Variants in RORB observed in about 807,000 individuals in gnomAD.
The protein encoded by RORB is nuclear receptor ROR-beta.
Under a neutral mutation model 59.1 loss-of-function variants are expected in RORB, and 6 were observed. That is an observed-to-expected ratio of 0.10 (90% CI 0.06 to 0.20). The LOEUF is 0.20. RORB is among the 10% of genes least tolerant of loss of function. The pLI is 1.00. For missense variants in RORB, 320 were observed against 560.5 expected (o/e 0.57, Z 4.33); for synonymous variants, 215 against 204.5 (o/e 1.05, Z -0.44).
chr9:74,597,694 C>T (rs1293724468), intron 1 of RORB, among the ~76,000 whole-genome samples: 1 of 152,118 alleles, frequency 6.6e-6, no homozygotes, highest in African/African-American at 2.4e-5. Flanking sequence ...CATGGTGGCT[C>T]ATGCCTGTAA....
intron 1 of RORB, among the ~76,000 whole-genome samples, chr9:74,566,679 C>T (rs1173267472): frequency 6.6e-6 from 1 of 152,146 alleles, no homozygotes. Flanking sequence ...CACCTGTAGT[C>T]CCAGGTACTC....
chr9:74,513,506 A>C (rs1018778452), intron 1 of RORB, among the ~76,000 whole-genome samples: 1 of 152,088 alleles, frequency 6.6e-6, no homozygotes, highest in Non-Finnish European at 1.5e-5. Context: ...AGTGATAATG[A>C]TAATAATTCA....
chr9:74,623,942 T>C (rs1341502044), intron 1 of RORB, among the ~76,000 whole-genome samples: 1 of 152,216 alleles, frequency 6.6e-6, no homozygotes, highest in African/African-American at 2.4e-5. Flanking sequence ...ATATTTAACT[T>C]ATCAGTATTT....
chr9:74,546,611 C>G (rs946366927), intron 1 of RORB, among the ~76,000 whole-genome samples: 12 of 152,238 alleles, frequency 7.9e-5, no homozygotes, highest in African/African-American at 2.2e-4. Context: ...GAAATGTTCT[C>G]AGAGAGAAGT....
intron 1 of RORB, among the ~76,000 whole-genome samples, chr9:74,533,529 G>A (rs1826277503): frequency 6.6e-6 from 1 of 152,060 alleles, no homozygotes. Context: ...TTCTCCAAGA[G>A]TTAACCAGGT....
Position 74,658,496 on chromosome 9 carries a change from A to G in RORB, c.638-2121A>G, listed in dbSNP as rs865878350. ...GCCAACAGTTCCAGGCAGATATCAT[A>G]AAAGAACAGATAAAGTTTTTCACAA... On this transcript the variant is annotated intron_variant, in intron 4 of 9. Coordinates refer to ENST00000376896, the MANE Select transcript of RORB (RefSeq NM_006914.4). 5.4e-5 allele frequency among the ~76,000 whole-genome samples: 8 copies of G among 147,880 alleles called. No homozygotes were observed. The South Asian group carries it at 1.7e-3, about 31-fold the overall frequency.
At chr9:74,640,690 G>GC (rs1032406105) in intron 3 of RORB, among the ~76,000 whole-genome samples, 7 of 152,078 alleles carry the variant, frequency 4.6e-5, no homozygotes, top group African/African-American at 1.7e-4. Flanking sequence ...AGGAAAACAT[G>GC]CCCCAATACC....
At chr9:74,532,804 GTA>G (rs1491192432) in intron 1 of RORB, among the ~76,000 whole-genome samples, 1 of 143,914 alleles carries the variant, frequency 6.9e-6, no homozygotes, top group African/African-American at 2.7e-5. Context: ...ACATAGATAC[GTA>G]TATATATACA....
intron 1 of RORB, among the ~76,000 whole-genome samples, chr9:74,545,442 A>G (rs1826473297): frequency 6.6e-6 from 1 of 152,182 alleles, no homozygotes; most frequent in Non-Finnish European, 1.5e-5. Flanking sequence ...TATATCTAAC[A>G]TTATCATTGC....
At chr9:74,672,288 T>A (rs1239183529) in intron 9 of RORB, among the ~76,000 whole-genome samples, 3 of 152,128 alleles carry the variant, frequency 2.0e-5, no homozygotes, top group African/African-American at 7.2e-5. Context: ...CAGATTTTTA[T>A]TCAAAAAAAG....
chr9:74,566,289 T>C (rs1822467399), intron 1 of RORB, among the ~76,000 whole-genome samples: 1 of 152,124 alleles, frequency 6.6e-6, no homozygotes, highest in South Asian at 2.1e-4. Context: ...TAAGTTAGAA[T>C]CTCAAAGTCA....
intron 1 of RORB, among the ~76,000 whole-genome samples, chr9:74,531,755 A>G (rs1168097512): frequency 6.6e-6 from 1 of 152,012 alleles, no homozygotes. Context: ...AACTCAGAAT[A>G]GCTTTTCTCT....
At chr9:74,594,197 T>C (rs1239331009) in intron 1 of RORB, among the ~76,000 whole-genome samples, 1 of 152,220 alleles carries the variant, frequency 6.6e-6, no homozygotes, top group Admixed American at 6.5e-5. Context: ...TTTACCCTGA[T>C]GAGCCCTGAG....
chr9:74,512,290 C>A (rs1161764863), intron 1 of RORB, among the ~76,000 whole-genome samples: 3 of 152,166 alleles, frequency 2.0e-5, no homozygotes, highest in Admixed American at 2.0e-4. Flanking sequence ...TACCAGTTCT[C>A]AAAATACAAG....
In RORB at chr9:74,549,452, A is replaced by AAAG. The variant is rs1251358855; in HGVS notation, c.7+51475_7+51477dup. Among the ~76,000 whole-genome samples the AAAG allele has an allele frequency of 1.6e-4, 23 of 146,690 alleles. 1 individual carries two copies. The highest frequency in any genetic ancestry group is 5.8e-4 in the African/African-American group (23 of 39,730). Reference sequence around the variant, plus strand: ...GAGCAAAATTCCGTCAAAAAAAAAAAAAGAAGAAAGAGAGAGAGAGAGAGG... The same window carrying AAAG: ...GAGCAAAATTCCGTCAAAAAAAAAAAAAGAAGAAGAAAGAGAGAGAGAGAGAGG... On this transcript the variant is annotated intron_variant, in intron 1 of 9. Coordinates refer to ENST00000376896, the MANE Select transcript of RORB (RefSeq NM_006914.4).
At chr9:74,542,793 T>A (rs1291494238) in intron 1 of RORB, among the ~76,000 whole-genome samples, 1 of 152,138 alleles carries the variant, frequency 6.6e-6, no homozygotes, top group East Asian at 1.9e-4. Flanking sequence ...TCAATCTTGT[T>A]TCTCAGGGTC....
At chr9:74,566,774 A>C (rs1044743264) in intron 1 of RORB, among the ~76,000 whole-genome samples, 4 of 152,228 alleles carry the variant, frequency 2.6e-5, no homozygotes, top group Non-Finnish European at 1.5e-5. Flanking sequence ...TCCAACCTGG[A>C]AACAGGGCGA....
intron 5 of RORB, 87 bp from the exon 6 acceptor site, chr9:74,662,387 T>A: frequency 7.6e-7 from 1 of 1,309,862 alleles, no homozygotes; most frequent in Non-Finnish European, 1.1e-6. Flanking sequence ...AAGTGACAGA[T>A]AAGCACCAGT....
chr9:74,617,107 C>A (rs1224958931), intron 1 of RORB, among the ~76,000 whole-genome samples: 3 of 146,012 alleles, frequency 2.1e-5, no homozygotes, highest in Non-Finnish European at 3.0e-5. Flanking sequence ...CAAAAAAACT[C>A]TGCCTCTTTA....
Sources: gnomAD v4.1 joint callset for allele counts (sites outside exome capture counted in the v4.1 genomes callset) on GRCh38, gnomAD v4.1.1 for gene constraint, MANE v1.5 for transcripts, NCBI Gene and HGNC (gene_info 2026-07-23, HGNC 2026-07-21) for gene names.